RORB: variants seen among roughly 807,000 people sequenced by gnomAD.
RORB encodes RAR related orphan receptor B.
In RORB, 6 loss-of-function variants were observed where a neutral mutation model predicts 59.1. The ratio of observed to expected loss-of-function variants is 0.10; its 90% confidence interval spans 0.06 to 0.20. RORB has a LOEUF of 0.20. RORB is among the 10% of genes least tolerant of loss of function. The pLI is 1.00. For synonymous variants in RORB, 215 were observed against 204.5 expected, an observed-to-expected ratio of 1.05 and a Z score of -0.44; for missense variants, 320 against 560.5, an observed-to-expected ratio of 0.57 and a Z score of 4.33.
At chr9:74,667,401 T>C (rs1004907623) in intron 7 of RORB, among the ~76,000 whole-genome samples, 45 of 152,214 alleles carry the variant, frequency 3.0e-4, no homozygotes, top group African/African-American at 9.9e-4. Flanking sequence ...CTGTATGTAA[T>C]GTTTTAGGTT....
At chr9:74,555,855 T>G (rs1822279164) in intron 1 of RORB, among the ~76,000 whole-genome samples, 1 of 152,208 alleles carries the variant, frequency 6.6e-6, no homozygotes. Flanking sequence ...AAGAAGGTAT[T>G]AGCATCTGTA....
At chr9:74,572,444 T>A (rs963912466) in intron 1 of RORB, among the ~76,000 whole-genome samples, 2 of 152,158 alleles carry the variant, frequency 1.3e-5, no homozygotes, top group Admixed American at 1.3e-4. Flanking sequence ...GCATGCAAGC[T>A]ATTTTTGGAG....
At chr9:74,625,579 C>T (rs541962894) in intron 1 of RORB, among the ~76,000 whole-genome samples, 1 of 152,238 alleles carries the variant, frequency 6.6e-6, no homozygotes, top group Non-Finnish European at 1.5e-5. Flanking sequence ...ACACTGCACT[C>T]CAGCCTAGAT....
chr9:74,606,602 T>C (rs1823153023), intron 1 of RORB, among the ~76,000 whole-genome samples: 2 of 152,168 alleles, frequency 1.3e-5, no homozygotes, highest in South Asian at 4.1e-4. Flanking sequence ...TTCTTGGACT[T>C]TTCTACATTT....
intron 1 of RORB, among the ~76,000 whole-genome samples, chr9:74,584,467 A>G (rs1822768411): frequency 6.6e-6 from 1 of 152,186 alleles, no homozygotes; most frequent in South Asian, 2.1e-4. Flanking sequence ...ACTTACTACA[A>G]TGTTCAGCTT....
intron 1 of RORB, among the ~76,000 whole-genome samples, chr9:74,541,484 C>T (rs2118135213): frequency 6.6e-6 from 1 of 152,076 alleles, no homozygotes; most frequent in South Asian, 2.1e-4. Flanking sequence ...GAACAGCCCT[C>T]CCCTGTAAAC....
chr9:74,642,511 G>A lies in RORB; in HGVS notation c.333G>A (p.Gln111=). The A allele has an allele frequency of 6.2e-7, 1 of 1,614,258 alleles. No individual in the cohort carries two copies. The highest frequency in any genetic ancestry group is 8.5e-7 in the Non-Finnish European group (1 of 1,180,046). ...QQRLQEQRQQ[Q]SGEAEALARV... ...GGCTGCAGGAACAGCGGCAGCAGCA[G>A]AGTGGGGAGGCAGAAGCCCTTGCCA... is the stretch of plus-strand genomic sequence containing the variant. Residue 111 remains glutamine, a synonymous_variant, in exon 4 of 10, where the codon CAG becomes CAA. Transcript: ENST00000376896.
chr9:74,511,250 T>C (rs1017395869), intron 1 of RORB, among the ~76,000 whole-genome samples: 4 of 151,992 alleles, frequency 2.6e-5, no homozygotes, highest in African/African-American at 9.7e-5. Flanking sequence ...GATAAAATGG[T>C]AAGCAAAAAA....
intron 1 of RORB, among the ~76,000 whole-genome samples, chr9:74,517,589 T>C (rs1826026903): frequency 6.6e-6 from 1 of 152,082 alleles, no homozygotes; most frequent in Non-Finnish European, 1.5e-5. Flanking sequence ...TAGAAATATT[T>C]TCTTACCAGA....
At chr9:74,556,521 G>C (rs150591986) in intron 1 of RORB, among the ~76,000 whole-genome samples, 1 of 152,246 alleles carries the variant, frequency 6.6e-6, no homozygotes, top group African/African-American at 2.4e-5. Context: ...CATCCACAGC[G>C]ACCAAGCAGA....
At chr9:74,597,853 G>A (rs1234211442) in intron 1 of RORB, among the ~76,000 whole-genome samples, 1 of 151,986 alleles carries the variant, frequency 6.6e-6, no homozygotes. Context: ...AGCTACTTGG[G>A]AGGCTGAGGC....
At chr9:74,499,464 C>G (rs1029157531) in intron 1 of RORB, among the ~76,000 whole-genome samples, 1 of 152,066 alleles carries the variant, frequency 6.6e-6, no homozygotes, top group Non-Finnish European at 1.5e-5. Context: ...GAAGAAGGAA[C>G]GGAGAGAGAC....
chr9:74,668,772 T>A (rs892728622), intron 8 of RORB, among the ~76,000 whole-genome samples: 2 of 152,080 alleles, frequency 1.3e-5, no homozygotes, highest in African/African-American at 4.8e-5. Context: ...GAGGGTTTGG[T>A]CTCGCAGTCC....
intron 1 of RORB, among the ~76,000 whole-genome samples, chr9:74,604,109 T>C (rs1823113099): frequency 6.6e-6 from 1 of 152,218 alleles, no homozygotes. Flanking sequence ...AAATGTCCTA[T>C]TATTTTCTAA....
At chr9:74,555,503 T>C (rs1057474639) in intron 1 of RORB, among the ~76,000 whole-genome samples, 1 of 152,228 alleles carries the variant, frequency 6.6e-6, no homozygotes, top group Non-Finnish European at 1.5e-5. Flanking sequence ...AAATTTATTA[T>C]TGCTCAAACA....
intron 1 of RORB, among the ~76,000 whole-genome samples, chr9:74,527,644 C>T (rs762254338): frequency 2.0e-5 from 3 of 151,950 alleles, no homozygotes; most frequent in South Asian, 4.1e-4. Context: ...CCTGGTTTTA[C>T]AGAAGAGAGA....
At chr9:74,601,934 G>A (rs932758574) in intron 1 of RORB, among the ~76,000 whole-genome samples, 1 of 152,170 alleles carries the variant, frequency 6.6e-6, no homozygotes, top group Non-Finnish European at 1.5e-5. Context: ...ACAGTGACAA[G>A]GAAACACCTT....
At chr9:74,669,347 C>T (rs777538014) in intron 8 of RORB, among the ~76,000 whole-genome samples, 5 of 151,970 alleles carry the variant, frequency 3.3e-5, no homozygotes, top group Non-Finnish European at 7.4e-5. Context: ...GATATGGTGG[C>T]AGATGCCTGT....
chr9:74,656,919 C>A (rs562934458), intron 4 of RORB, among the ~76,000 whole-genome samples: 1 of 152,300 alleles, frequency 6.6e-6, no homozygotes, highest in South Asian at 2.1e-4. Flanking sequence ...TCTGTCCACC[C>A]TAGTCTTATT....
Sources: allele counts gnomAD v4.1 joint callset (sites outside exome capture counted in the v4.1 genomes callset), GRCh38; gene constraint gnomAD v4.1.1; transcripts MANE v1.5; gene names NCBI Gene and HGNC (gene_info 2026-07-23, HGNC 2026-07-21).